BTAF1: variants seen among roughly 807,000 people sequenced by gnomAD.
BTAF1 encodes B-TFIID TATA-box binding protein associated factor 1, also known as TATA-binding protein-associated factor 172.
Under a neutral mutation model 227.1 loss-of-function variants are expected in BTAF1, and 38 were observed. The ratio of observed to expected loss-of-function variants is 0.17; its 90% CI spans 0.13 to 0.22. BTAF1 has a LOEUF of 0.22. BTAF1 is among the 10% of genes least tolerant of loss of function. BTAF1 has a pLI of 1.00. For synonymous variants in BTAF1, 742 were observed against 751.9 expected (o/e 0.99, Z 0.21); for missense variants, 1,598 against 2,204.0 (o/e 0.73, Z 5.51).
intron 34 of BTAF1, 25 bp from the exon 35 acceptor site, chr10:92,024,731 A>ATTTTTTTT (rs1554870030): frequency 1.0e-6 from 1 of 954,316 alleles, no homozygotes; most frequent in East Asian, 3.4e-5. Flanking sequence ...ACGCTTATGT[A>ATTTTTTTT]GTTTTTTTTT....
At chr10:91,982,539 T>C (rs2133986171) in intron 17 of BTAF1, 48 bp from the exon 18 acceptor site, 1 of 1,535,928 alleles carries the variant, frequency 6.5e-7, no homozygotes, top group East Asian at 2.3e-5. Context: ...ATGGGGAAAC[T>C]TTACTTCAAG....
At chr10:92,019,906 T>TTA (rs1554868641) in intron 34 of BTAF1, among the ~76,000 whole-genome samples, 8 of 150,790 alleles carry the variant, frequency 5.3e-5, no homozygotes, top group Non-Finnish European at 1.2e-4. Context: ...TTTTTTTTTT[T>TTA]AATGGGGGTC....
chr10:91,990,706 T>C (rs1762779055), intron 20 of BTAF1, among the ~76,000 whole-genome samples: 1 of 152,072 alleles, frequency 6.6e-6, no homozygotes, highest in Admixed American at 6.5e-5. Flanking sequence ...GGCAAGAGAA[T>C]GGCCTCAACC....
chr10:91,942,498 A>G lies in BTAF1; in HGVS notation c.330A>G (p.Arg110=), dbSNP rs752993328. 1 of 1,614,006 alleles carries G rather than the reference A, an allele frequency of 6.2e-7. No homozygotes were observed. The highest frequency in any genetic ancestry group is 1.3e-5 in the African/African-American group (1 of 74,932). ...RLNFDRFDIC[R]LLQHGASLLG... ...ATTTTGACAGATTTGATATATGTAGATTGTTACAACATGGTGCATCACTCC... is the reference window on the plus strand; with the variant it reads ...ATTTTGACAGATTTGATATATGTAGGTTGTTACAACATGGTGCATCACTCC... The change falls in exon 4 of 38, where the codon AGA becomes AGG. Residue 110 remains arginine (R), a synonymous_variant. Transcript: ENST00000265990.
chr10:92,027,332 G>C, intron 37 of BTAF1, 32 bp downstream of exon 37: 1 of 1,562,304 alleles, frequency 6.4e-7, no homozygotes, highest in Non-Finnish European at 8.6e-7. Context: ...TTGTATCTTT[G>C]AGTCACAGGC....
rs1387504768 is a variant in BTAF1 at position 92,013,985 on chromosome 10, C to T, written c.4540C>T (p.Pro1514Ser). ...AGAAGATGTTTTGCAGGATCTTCCACCTAAAATTATTCAAGACTATTATTG... is the reference window on the plus strand; with the variant it reads ...AGAAGATGTTTTGCAGGATCTTCCATCTAAAATTATTCAAGACTATTATTG... Reference protein sequence around the residue: ...MKEDVLQDLPPKIIQDYYCTL... With the variant: ...MKEDVLQDLPSKIIQDYYCTL... The change falls in exon 32 of 38, where the codon CCT becomes TCT. Residue 1514 changes from proline to serine, a missense_variant. Around this residue, in one of 10 missense-constraint regions of BTAF1, gnomAD observed 184 missense variants for 341.1 expected, o/e 0.54. Coordinates refer to ENST00000265990, the MANE Select transcript of BTAF1 (RefSeq NM_003972.3). 7 of 1,613,482 alleles carry T rather than the reference C, an allele frequency of 4.3e-6. No individual in the cohort carries two copies. The highest frequency in any genetic ancestry group is 5.9e-6 in the Non-Finnish European group (7 of 1,179,802).
chr10:91,928,064 G>A (rs1382359614), intron 1 of BTAF1, among the ~76,000 whole-genome samples: 2 of 145,474 alleles, frequency 1.4e-5, no homozygotes, highest in East Asian at 4.0e-4. Context: ...AACAATCATC[G>A]GAATATTTTT....
At chr10:92,019,292 A>G (rs753809784) in intron 34 of BTAF1, among the ~76,000 whole-genome samples, 1 of 152,184 alleles carries the variant, frequency 6.6e-6, no homozygotes, top group Admixed American at 6.5e-5. Flanking sequence ...TACTTTCTCT[A>G]TGAATTTGCC....
In BTAF1 at chr10:91,993,781, A is replaced by G. The variant is rs759810300; in HGVS notation, c.3133A>G (p.Lys1045Glu). ...GCATTTTGGTGGTGAAATGGCAGTG[A>G]AGTTGCCACATCTCTGGGATGCTAT... is the stretch of plus-strand genomic sequence containing the variant. ...VKHFGGEMAV[K>E]LPHLWDAMVG... The change falls in exon 22 of 38, where the codon AAG becomes GAG. Residue 1045 changes from lysine (K) to glutamate (E), a missense_variant. Lys to Glu is a moderately conservative substitution (Grantham distance 56, BLOSUM62 1). This residue lies in a region of BTAF1 where 425 missense variants were observed against 491.2 expected (regional missense o/e 0.87). Coordinates refer to ENST00000265990, the MANE Select transcript of BTAF1 (RefSeq NM_003972.3). 1.9e-6 allele frequency: 3 copies of G among 1,609,538 alleles called. No homozygotes were observed. Among genetic ancestry groups the G allele is most frequent in the Middle Eastern group, 1.7e-4 (1 of 6,042 alleles).
chr10:91,990,350 AC>A (rs1385418689), intron 20 of BTAF1, among the ~76,000 whole-genome samples: 6 of 151,066 alleles, frequency 4.0e-5, no homozygotes, highest in African/African-American at 7.3e-5. Context: ...CCCCCCTCTT[AC>A]CCCCCTGGTC....
chr10:91,959,043 T>C, intron 8 of BTAF1, 22 bp from the exon 9 acceptor site: 1 of 1,601,968 alleles, frequency 6.2e-7, no homozygotes, highest in Non-Finnish European at 8.5e-7. Flanking sequence ...ACATCTGACA[T>C]TTGCTTCTTT....
chr10:92,021,174 G>T (rs191122771), intron 34 of BTAF1, among the ~76,000 whole-genome samples: 366 of 152,330 alleles, frequency 2.4e-3, no homozygotes, highest in African/African-American at 8.2e-3. Flanking sequence ...TCTGTTGGTA[G>T]AAACATGTTT....
chr10:91,999,773 C>G (rs1040923847), intron 25 of BTAF1, among the ~76,000 whole-genome samples: 1 of 152,172 alleles, frequency 6.6e-6, no homozygotes, highest in Non-Finnish European at 1.5e-5. Flanking sequence ...AAATCATGTA[C>G]TGTTATACTG....
intron 25 of BTAF1, among the ~76,000 whole-genome samples, chr10:92,000,056 A>G: frequency 6.6e-6 from 1 of 152,206 alleles, no homozygotes; most frequent in East Asian, 1.9e-4. Flanking sequence ...ATAATTTACT[A>G]AACTGTTTCT....
intron 32 of BTAF1, among the ~76,000 whole-genome samples, chr10:92,015,843 G>A (rs72825314): frequency 5.1e-4 from 77 of 152,218 alleles, no homozygotes; most frequent in Admixed American, 8.5e-4. Flanking sequence ...AGACCCCAGC[G>A]TAGTACTTTA....
chr10:91,989,486 T>G lies in BTAF1; in HGVS notation c.2760T>G (p.Ile920Met). 2 of 1,613,942 alleles carry G rather than the reference T, an allele frequency of 1.2e-6. No homozygotes were observed. Among genetic ancestry groups the G allele is most frequent in the Non-Finnish European group, 1.7e-6 (2 of 1,180,028 alleles). ...CGCCCTGTCCCAATTCAAAAATTAT[T>G]AAAAACCTCTGTAGCTCACTTTGTG... The part of the protein sequence containing the change: ...TRTPCPNSKI[I>M]KNLCSSLCVD... The change falls in exon 20 of 38, where the codon ATT becomes ATG. Residue 920 changes from isoleucine to methionine, a missense_variant. Around this residue, in one of 10 missense-constraint regions of BTAF1, gnomAD observed 425 missense variants for 491.2 expected, o/e 0.87. Transcript: ENST00000265990.
chr10:91,954,742 G>C (rs1393691868), intron 6 of BTAF1, among the ~76,000 whole-genome samples: 1 of 152,004 alleles, frequency 6.6e-6, no homozygotes, highest in Non-Finnish European at 1.5e-5. Context: ...ATTTTTTGTA[G>C]ACATAAGGTC....
At chr10:91,933,862 A>G (rs917176182) in intron 1 of BTAF1, among the ~76,000 whole-genome samples, 22 of 152,224 alleles carry the variant, frequency 1.4e-4, no homozygotes, top group Non-Finnish European at 2.6e-4. Flanking sequence ...GAAGAAGGGA[A>G]TGGATTAGTA....
In BTAF1 at chr10:91,993,817, T is replaced by C. The variant is rs762025787; in HGVS notation, c.3169T>C (p.Leu1057=). The part of the protein sequence containing the change: ...PHLWDAMVGP[L]RNTIDINNFD... The stretch of plus-strand genomic sequence containing the variant: ...TCTCTGGGATGCTATGGTTGGCCCA[T>C]TGAGGAATACAATCGACATAAATAA... Residue 1057 remains leucine (L), a synonymous_variant, in exon 22 of 38, where the codon TTG becomes CTG. Transcript: ENST00000265990. The C allele has an allele frequency of 6.9e-6, 11 of 1,604,392 alleles. No homozygotes were observed. The highest frequency in any genetic ancestry group is 6.8e-5 in the South Asian group (6 of 88,454).
Sources: gnomAD v4.1 joint callset for allele counts (sites outside exome capture counted in the v4.1 genomes callset) on GRCh38, gnomAD v4.1.1 for gene constraint, gnomAD v4.1.1 regional missense constraint, MANE v1.5 for transcripts, NCBI Gene and HGNC (gene_info 2026-07-23, HGNC 2026-07-21) for gene names.